The following TMEM229B variants were observed in gnomAD, a reference collection of about 807,000 sequenced individuals.
The protein encoded by TMEM229B is chromosome 14 open reading frame 83.
A neutral mutation model predicts 13.7 loss-of-function variants in TMEM229B; 6 were observed. That is an observed-to-expected ratio of 0.44 (90% CI 0.24 to 0.86). The LOEUF is 0.86. TMEM229B is among the 40% of genes least tolerant of loss of function. The probability of loss-of-function intolerance (pLI) is 0.23; values close to 1 mark genes in which losing one functional copy is unlikely to be tolerated. For missense variants in TMEM229B, 170 were observed against 236.0 expected (o/e 0.72, Z 1.83); for synonymous variants, 107 against 102.1 (o/e 1.05, Z -0.29).
At chr14:67,512,178 A>G (rs2033049714) in intron 1 of TMEM229B, among the ~76,000 whole-genome samples, 1 of 152,190 alleles carries the variant, frequency 6.6e-6, no homozygotes, top group African/African-American at 2.4e-5. Context: ...ATGCATTCTC[A>G]CACACCACAG....
At chr14:67,520,462 T>C (rs1420274212) in intron 1 of TMEM229B, among the ~76,000 whole-genome samples, 2 of 152,258 alleles carry the variant, frequency 1.3e-5, no homozygotes, top group Non-Finnish European at 2.9e-5. Flanking sequence ...CTAACTTCTT[T>C]CATTTAGTAA....
At chr14:67,526,232 T>C (rs1276307568) in intron 1 of TMEM229B, among the ~76,000 whole-genome samples, 3 of 152,222 alleles carry the variant, frequency 2.0e-5, no homozygotes, top group Non-Finnish European at 2.9e-5. Context: ...CCTAATACAA[T>C]TGGGAGTCGG....
chr14:67,533,395 G>C (rs2033538345), intron 1 of TMEM229B: 1 of 151,680 alleles, frequency 6.6e-6, no homozygotes, highest in Non-Finnish European at 1.5e-5. Context: ...CGAGCTCGCT[G>C]GAGGTGAGCG....
chr14:67,510,028 A>T (rs1214244955), intron 1 of TMEM229B, among the ~76,000 whole-genome samples: 6 of 81,284 alleles, frequency 7.4e-5, no homozygotes, highest in Non-Finnish European at 2.1e-4. Flanking sequence ...TTTTTTTATT[A>T]AAAAAAAAAA....
chr14:67,473,555 G>C lies in TMEM229B; in HGVS notation c.369C>G (p.Pro123=). ...CCATGATGAGGGCCCCGCAGAACCA[G>C]GGCACGGCGTACTCCAGGGTGATGA... ...MGLITLEYAV[P]WFCGALIMEQ... is the part of the protein sequence containing the mutation. Residue 123 remains proline, a synonymous_variant, in exon 3 of 3, where the codon CCC becomes CCG. Transcript: ENST00000554480. This position sits in a 1 kb window ranked among gnomAD's most constrained non-coding sequence, Gnocchi z 6.5. 1 of 1,613,754 alleles carries C rather than the reference G, an allele frequency of 6.2e-7. No homozygotes were observed. Among genetic ancestry groups the C allele is most frequent in the Non-Finnish European group, 8.5e-7 (1 of 1,179,820 alleles).
At chr14:67,533,120 C>CTAAA (rs2033521519) in intron 1 of TMEM229B, among the ~76,000 whole-genome samples, 1 of 152,164 alleles carries the variant, frequency 6.6e-6, no homozygotes, top group Admixed American at 6.5e-5. Flanking sequence ...AGCGCTCTGC[C>CTAAA]TTTAAGGAGC....
At chr14:67,507,958 G>A (rs533179203) in intron 1 of TMEM229B, among the ~76,000 whole-genome samples, 1 of 152,130 alleles carries the variant, frequency 6.6e-6, no homozygotes, top group East Asian at 1.9e-4. Context: ...GACCAACATG[G>A]AGAAACCCTG....
intron 2 of TMEM229B, among the ~76,000 whole-genome samples, chr14:67,479,570 T>A (rs1288556019): frequency 7.3e-5 from 11 of 151,540 alleles, no homozygotes; most frequent in African/African-American, 2.4e-4. Flanking sequence ...ATACAAAAAT[T>A]AGCCGGGCAT....
chr14:67,510,175 A>G (rs2032980680), intron 1 of TMEM229B, among the ~76,000 whole-genome samples: 1 of 152,232 alleles, frequency 6.6e-6, no homozygotes, highest in Non-Finnish European at 1.5e-5. Flanking sequence ...TCTCATTGAT[A>G]TGAGAAAAGA....
chr14:67,491,503 G>A (rs938250817), upstream of TMEM229B, among the ~76,000 whole-genome samples: 2 of 152,130 alleles, frequency 1.3e-5, no homozygotes, highest in African/African-American at 4.8e-5. Context: ...GTTATCAAAG[G>A]TGCTTATTAT....
intron 1 of TMEM229B, among the ~76,000 whole-genome samples, chr14:67,494,381 T>C (rs1594698960): frequency 6.6e-6 from 1 of 152,188 alleles, no homozygotes; most frequent in East Asian, 1.9e-4. Flanking sequence ...GTTATGCAGC[T>C]TTCTCAAGGT....
At chr14:67,523,100 G>A (rs890141942) in intron 1 of TMEM229B, among the ~76,000 whole-genome samples, 5 of 152,144 alleles carry the variant, frequency 3.3e-5, no homozygotes, top group African/African-American at 1.2e-4. Flanking sequence ...CAAGGCAGGT[G>A]GATCACGAGG....
At chr14:67,487,321 C>G (rs1034939785) in intron 1 of TMEM229B, 149 bp from the exon 2 acceptor site, 2 of 152,526 alleles carry the variant, frequency 1.3e-5, no homozygotes, top group Admixed American at 6.5e-5. Flanking sequence ...ACCCCCTCCT[C>G]TTTGCATCCA....
intron 2 of TMEM229B, among the ~76,000 whole-genome samples, chr14:67,484,381 C>A (rs2031756858): frequency 6.6e-6 from 1 of 152,230 alleles, no homozygotes. Context: ...CAGCTAGCTG[C>A]CTCGGTCTCT....
chr14:67,533,116 C>T (rs529259803), intron 1 of TMEM229B, among the ~76,000 whole-genome samples: 14 of 152,202 alleles, frequency 9.2e-5, no homozygotes, highest in African/African-American at 3.4e-4. Context: ...GCCCAGCGCT[C>T]TGCCTTTAAG....
At chr14:67,510,198 G>A (rs1305346410) in intron 1 of TMEM229B, among the ~76,000 whole-genome samples, 8 of 152,140 alleles carry the variant, frequency 5.3e-5, no homozygotes, top group Admixed American at 3.9e-4. Context: ...ATATGTAAAT[G>A]CTTAGCCTAA....
intron 2 of TMEM229B, among the ~76,000 whole-genome samples, chr14:67,479,425 ATGCTTGTGG>A (rs1479037015): frequency 1.3e-5 from 2 of 151,198 alleles, no homozygotes; most frequent in African/African-American, 2.4e-5. Flanking sequence ...AAAAAAAAAA[ATGCTTGTGG>A]AAGCTGGGTG....
At chr14:67,515,258 TC>T (rs1190234558) in exon 1 of TMEM229B, 1 of 151,898 alleles carries the variant, frequency 6.6e-6, no homozygotes, top group Non-Finnish European at 1.5e-5. Flanking sequence ...GCGCTCTGGC[TC>T]CCCCCGCGCC....
At chr14:67,487,552 A>C (rs905324033) in intron 1 of TMEM229B, among the ~76,000 whole-genome samples, 33 of 152,220 alleles carry the variant, frequency 2.2e-4, no homozygotes, top group Middle Eastern at 3.2e-3. Context: ...GGGCGGTCAG[A>C]ACCTCATGGA....
Sources: gnomAD v4.1 joint callset for allele counts (sites outside exome capture counted in the v4.1 genomes callset) on GRCh38, gnomAD v4.1.1 for gene constraint, Gnocchi (gnomAD v3.1) non-coding constraint, MANE v1.5 for transcripts, NCBI Gene and HGNC (gene_info 2026-07-23, HGNC 2026-07-21) for gene names.